Variants in PCDHA7 observed in about 807,000 individuals in gnomAD.
PCDHA7 encodes protocadherin alpha-7.
Under a neutral mutation model 57.2 loss-of-function variants are expected in PCDHA7, and 37 were observed. That is an observed-to-expected ratio of 0.65 (90% CI 0.50 to 0.85). The LOEUF is 0.85. PCDHA7 is among the 40% of genes least tolerant of loss of function. The pLI, the probability that PCDHA7 is intolerant of heterozygous loss-of-function variation, is 0.00. For missense variants in PCDHA7, 1,188 were observed against 1,241.8 expected (o/e 0.96, Z 0.65); for synonymous variants, 553 against 558.8 (o/e 0.99, Z 0.15).
chr5:140,835,796 C>T lies in PCDHA7; in HGVS notation c.1413C>T (p.Gly471=), dbSNP rs1264312076. 5.6e-6 allele frequency: 9 copies of T among 1,613,014 alleles called. No individual in the cohort carries two copies. The highest frequency in any genetic ancestry group is 7.6e-6 in the Non-Finnish European group (9 of 1,179,762). ...TCGTGAAGGAGAACAACCCGCCGGG[C>T]TGCCACATCTTCACTGTGTCGGCGG... ...TVFVKENNPP[G]CHIFTVSAGD... The change falls in exon 1 of 4, where the codon GGC becomes GGT. Residue 471 remains glycine (G), a synonymous_variant. Transcript: ENST00000525929.
chr5:140,897,037 AC>A (rs1300892291), intron 1 of PCDHA7, among the ~76,000 whole-genome samples: 1 of 152,074 alleles, frequency 6.6e-6, no homozygotes, highest in Non-Finnish European at 1.5e-5. Flanking sequence ...GACCATAGTC[AC>A]CCTATTCTGC....
chr5:141,006,843 T>A (rs2098291274), intron 3 of PCDHA7, among the ~76,000 whole-genome samples: 1 of 152,154 alleles, frequency 6.6e-6, no homozygotes, highest in Non-Finnish European at 1.5e-5. Context: ...TTACTGAAAC[T>A]GGAAAGATTT....
intron 3 of PCDHA7, among the ~76,000 whole-genome samples, chr5:141,002,136 G>C (rs2153972972): frequency 6.6e-6 from 1 of 152,374 alleles, no homozygotes; most frequent in East Asian, 1.9e-4. Flanking sequence ...GCCTTTGCCG[G>C]CTGCACTGAC....
intron 1 of PCDHA7, chr5:140,882,266 A>G (rs1471101520): frequency 6.2e-7 from 1 of 1,610,426 alleles, no homozygotes; most frequent in South Asian, 1.1e-5. Flanking sequence ...TTTGGAGTGT[A>G]CCATGCTGTC....
At position 140,853,837 on chromosome 5, in the gene PCDHA7, T is replaced by C. The variant is rs1554146872; in HGVS notation, c.2355+17099T>C. 17 of 986,750 alleles carry C rather than the reference T, an allele frequency of 1.7e-5. 2 individuals are homozygous for C. The highest frequency in any genetic ancestry group is 1.8e-5 in the Non-Finnish European group (15 of 818,856). The allele number at this position is 986,750 out of a possible 1,614,324, so 61.1% of individuals were successfully genotyped here. A position where few individuals can be genotyped will look rare whatever the true frequency, so the allele number is the denominator to read the frequency against. On this transcript the variant is annotated intron_variant, in intron 1 of 3. Transcript: ENST00000525929. ...GATGATTCTCATACAACCGAAATTT[T>C]AGATCCATAGCCCTATTTGATACTT... is the stretch of plus-strand genomic sequence containing the variant.
chr5:141,009,132 G>GA (rs1172401436), intron 3 of PCDHA7, among the ~76,000 whole-genome samples: 11 of 152,202 alleles, frequency 7.2e-5, no homozygotes, highest in African/African-American at 2.4e-4. Flanking sequence ...GTATCCTGGT[G>GA]AAAAAACCTG....
chr5:140,869,747 C>A (rs1554163400), intron 1 of PCDHA7: 1 of 1,613,276 alleles, frequency 6.2e-7, no homozygotes. Context: ...CTAACAGCTA[C>A]AGACGGGGGA....
At chr5:140,876,581 C>A in intron 1 of PCDHA7, 2 of 1,614,200 alleles carry the variant, frequency 1.2e-6, no homozygotes, top group Non-Finnish European at 1.7e-6. Flanking sequence ...ACCGTCATTG[C>A]CCTGATTAGC....
chr5:140,949,012 A>G (rs1029892336), intron 1 of PCDHA7, among the ~76,000 whole-genome samples: 11 of 151,632 alleles, frequency 7.3e-5, no homozygotes, highest in African/African-American at 2.7e-4. Flanking sequence ...TTTATATGTG[A>G]TGTTTTTATT....
chr5:140,870,413 C>T (rs200037363), intron 1 of PCDHA7: 2 of 1,614,242 alleles, frequency 1.2e-6, no homozygotes, highest in South Asian at 2.2e-5. Flanking sequence ...CTGTGGGCCA[C>T]GGCCAGGGTA....
chr5:140,881,241 T>C, intron 1 of PCDHA7: 1 of 382,456 alleles, frequency 2.6e-6, no homozygotes, highest in Non-Finnish European at 3.6e-6. Context: ...TCAATTTAAA[T>C]GACGGCAAGG....
chr5:140,968,477 G>T, intron 1 of PCDHA7: 1 of 1,614,112 alleles, frequency 6.2e-7, no homozygotes, highest in Non-Finnish European at 8.5e-7. Flanking sequence ...ATATGTGGTG[G>T]ACATGAATGA....
intron 1 of PCDHA7, among the ~76,000 whole-genome samples, chr5:140,891,030 T>G (rs1583035754): frequency 6.6e-6 from 1 of 151,856 alleles, no homozygotes; most frequent in Non-Finnish European, 1.5e-5. Context: ...GGGTATAATC[T>G]TAGGTGTGAC....
chr5:140,964,964 C>A (rs1035701368), intron 1 of PCDHA7, among the ~76,000 whole-genome samples: 1 of 152,094 alleles, frequency 6.6e-6, no homozygotes, highest in Non-Finnish European at 1.5e-5. Flanking sequence ...GTTGGTGGAA[C>A]GAAGGGATGT....
At chr5:140,878,689 AT>A (rs1582445250) in intron 1 of PCDHA7, among the ~76,000 whole-genome samples, 1 of 152,246 alleles carries the variant, frequency 6.6e-6, no homozygotes, top group Admixed American at 6.5e-5. Flanking sequence ...AAAGTCTTAC[AT>A]ACCCCAGCCT....
chr5:140,835,801 A>T lies in PCDHA7; in HGVS notation c.1418A>T (p.His473Leu). 1 of 1,613,074 alleles carries T rather than the reference A, an allele frequency of 6.2e-7. No individual in the cohort carries two copies. The highest frequency in any genetic ancestry group is 8.5e-7 in the Non-Finnish European group (1 of 1,179,742). ...FVKENNPPGC[H>L]IFTVSAGDAD... Reference sequence around the variant, plus strand: ...AAGGAGAACAACCCGCCGGGCTGCCACATCTTCACTGTGTCGGCGGGGGAC... The same window carrying T: ...AAGGAGAACAACCCGCCGGGCTGCCTCATCTTCACTGTGTCGGCGGGGGAC... Residue 473 changes from histidine to leucine, a missense_variant, in exon 1 of 4, where the codon CAC (histidine) becomes CTC (leucine). His to Leu is a moderately conservative substitution (Grantham distance 99). Coordinates refer to ENST00000525929, the MANE Select transcript of PCDHA7 (RefSeq NM_018910.3).
intron 1 of PCDHA7, chr5:140,882,343 G>A: frequency 6.2e-7 from 1 of 1,614,198 alleles, no homozygotes; most frequent in Non-Finnish European, 8.5e-7. Context: ...CAGCCTGGGA[G>A]ACGGGTAGTG....
chr5:140,857,659 C>T, intron 1 of PCDHA7: 1 of 1,596,596 alleles, frequency 6.3e-7, no homozygotes, highest in South Asian at 1.1e-5. Context: ...TGAGCGCGCG[C>T]GATGGGGGCG....
intron 1 of PCDHA7, chr5:140,966,824 A>G (rs1463208532): frequency 1.3e-6 from 2 of 1,559,876 alleles, no homozygotes; most frequent in Admixed American, 1.9e-5. Flanking sequence ...CCGGCGGCCC[A>G]TGCCCTGGCT....
Sources: allele counts gnomAD v4.1 joint callset (sites outside exome capture counted in the v4.1 genomes callset), GRCh38; gene constraint gnomAD v4.1.1; transcripts MANE v1.5; gene names NCBI Gene and HGNC (gene_info 2026-07-23, HGNC 2026-07-21).